The following AGAP1 variants were observed in gnomAD, a reference collection of about 807,000 sequenced individuals.
AGAP1 encodes the protein arf-GAP with GTPase, ANK repeat and PH domain-containing protein 1.
AGAP1 carries 29 observed loss-of-function variants against 105.3 expected under a neutral mutation model. The ratio of observed to expected loss-of-function variants is 0.28; its 90% CI spans 0.21 to 0.38. The LOEUF (loss-of-function observed/expected upper bound fraction) is 0.38. AGAP1 is among the 10% of genes least tolerant of loss of function. The pLI, the probability that AGAP1 is intolerant of heterozygous loss-of-function variation, is 1.00. For missense variants in AGAP1, 998 were observed against 1,165.1 expected, an observed-to-expected ratio of 0.86 and a Z score of 2.09; for synonymous variants, 509 against 485.9, an observed-to-expected ratio of 1.05 and a Z score of -0.63.
intron 1 of AGAP1, among the ~76,000 whole-genome samples, chr2:235,697,108 G>T (rs113766375): frequency 4.6e-5 from 7 of 152,338 alleles, no homozygotes; most frequent in African/African-American, 1.4e-4. Flanking sequence ...AGCTGGGACA[G>T]CCCCAGGCAC....
chr2:235,758,941 T>A (rs1414647887), intron 6 of AGAP1, among the ~76,000 whole-genome samples: 1 of 151,848 alleles, frequency 6.6e-6, no homozygotes, highest in Non-Finnish European at 1.5e-5. Context: ...TACAGGTGCG[T>A]GCCAGCACAC....
intron 1 of AGAP1, chr2:235,670,948 C>T: frequency 6.8e-6 from 9 of 1,318,656 alleles, no homozygotes; most frequent in Admixed American, 4.0e-5. Flanking sequence ...GCGGCGGGCC[C>T]TCGCCACGGA....
Position 235,741,761 on chromosome 2 carries a change from ATT to A in AGAP1, c.396+724_396+725del, listed in dbSNP as rs373237927. On this transcript the variant is annotated intron_variant, in intron 4 of 17. Transcript: ENST00000304032. This position sits in a 1 kb window ranked among gnomAD's most constrained non-coding sequence, Gnocchi z 4.9. ...TATTGTTATTTTTTATTATTTATTT[ATT>A]TTTTTTTTTTGAGACAGTCTCGCTC... 8.2e-3 allele frequency among the ~76,000 whole-genome samples: 1,160 copies of A among 141,852 alleles called. 21 individuals carry two copies. The highest frequency in any genetic ancestry group is 0.028 in the African/African-American group (1,104 of 39,060). The allele number at this position is 141,852 out of a possible 152,430, so 93.1% of individuals were successfully genotyped here. A position where few individuals can be genotyped will look rare whatever the true frequency, so the allele number is the denominator to read the frequency against.
chr2:236,029,287 T>A (rs1318024494), intron 13 of AGAP1, among the ~76,000 whole-genome samples: 1 of 152,058 alleles, frequency 6.6e-6, no homozygotes, highest in Non-Finnish European at 1.5e-5. Flanking sequence ...TTTTTCTTTT[T>A]TTTTTTGAGA....
intron 9 of AGAP1, among the ~76,000 whole-genome samples, chr2:235,869,191 C>G (rs945992858): frequency 6.6e-6 from 1 of 152,082 alleles, no homozygotes; most frequent in East Asian, 1.9e-4. Flanking sequence ...CAAGTATAAA[C>G]CCTTGGTTTG....
chr2:235,790,949 C>T (rs1462142002), intron 6 of AGAP1, among the ~76,000 whole-genome samples: 1 of 152,196 alleles, frequency 6.6e-6, no homozygotes, highest in African/African-American at 2.4e-5. Context: ...CCATGGGTCC[C>T]ATGGTTCACT....
At chr2:235,938,813 C>A (rs185182609) in intron 12 of AGAP1, among the ~76,000 whole-genome samples, 1 of 152,078 alleles carries the variant, frequency 6.6e-6, no homozygotes, top group Non-Finnish European at 1.5e-5. Flanking sequence ...CAACACCTAG[C>A]GTGGCTGAAA....
At position 235,867,572 on chromosome 2, in the gene AGAP1, T is replaced by TGTGTGTGTGTGTGTGTGTGC. The variant is rs375110513; in HGVS notation, c.1051-15770_1051-15769insTGTGTGTGTGTGTGTGCGTG. 1.5e-3 allele frequency among the ~76,000 whole-genome samples: 227 copies of TGTGTGTGTGTGTGTGTGTGC among 148,464 alleles called. 4 individuals are homozygous for TGTGTGTGTGTGTGTGTGTGC. The highest frequency in any genetic ancestry group is 6.8e-3 in the Middle Eastern group (2 of 292). ...GTGTGTGTGTGTGTGTGTGTGTGTG[T>TGTGTGTGTGTGTGTGTGTGC]GTGCAAGTGAGGGAGGGTGACCCCC... is the stretch of plus-strand genomic sequence containing the variant. On this transcript the variant is annotated intron_variant, in intron 9 of 17. Transcript: ENST00000304032. The surrounding 1 kb of genome is among the most constrained non-coding windows in gnomAD (Gnocchi z 5.4).
chr2:236,016,221 A>C (rs1192401019), intron 13 of AGAP1, among the ~76,000 whole-genome samples: 3 of 152,180 alleles, frequency 2.0e-5, no homozygotes, highest in Non-Finnish European at 4.4e-5. Flanking sequence ...ACCAAATGAA[A>C]GAGGGAAAAG....
chr2:235,794,589 A>G (rs1957155222), intron 6 of AGAP1, among the ~76,000 whole-genome samples: 1 of 152,174 alleles, frequency 6.6e-6, no homozygotes, highest in Non-Finnish European at 1.5e-5. Flanking sequence ...CTCGTGCCTC[A>G]GCCTCCCAAG....
chr2:236,102,112 T>A (rs2059361836), intron 16 of AGAP1, among the ~76,000 whole-genome samples: 1 of 151,858 alleles, frequency 6.6e-6, no homozygotes, highest in African/African-American at 2.4e-5. Context: ...TGAAACCCCG[T>A]CTCTACTAAA....
At chr2:235,786,662 A>C (rs1005646293) in intron 6 of AGAP1, among the ~76,000 whole-genome samples, 1 of 152,228 alleles carries the variant, frequency 6.6e-6, no homozygotes, top group African/African-American at 2.4e-5. Context: ...AGTTGTAATA[A>C]GTCCATTTTT....
chr2:235,846,702 TCA>T (rs932479159), intron 9 of AGAP1, among the ~76,000 whole-genome samples: 3 of 152,278 alleles, frequency 2.0e-5, no homozygotes, highest in African/African-American at 7.2e-5. Context: ...AGTGGCATAA[TCA>T]CAGCTCACTG....
chr2:235,676,546 C>T (rs1201063162), intron 1 of AGAP1, among the ~76,000 whole-genome samples: 4 of 152,152 alleles, frequency 2.6e-5, no homozygotes, highest in Admixed American at 2.6e-4. Context: ...AGAGTGACTC[C>T]ACCAGCAAGG....
At chr2:236,085,558 C>T (rs1464167253) in intron 16 of AGAP1, among the ~76,000 whole-genome samples, 1 of 152,252 alleles carries the variant, frequency 6.6e-6, no homozygotes, top group Non-Finnish European at 1.5e-5. Flanking sequence ...GTAGGACCAG[C>T]CCATGGATCC....
At chr2:235,822,910 A>G (rs1364815613) in intron 9 of AGAP1, among the ~76,000 whole-genome samples, 1 of 152,124 alleles carries the variant, frequency 6.6e-6, no homozygotes, top group Non-Finnish European at 1.5e-5. Context: ...ATGGCTATTG[A>G]TTTCCCTTCA....
At position 235,788,943 on chromosome 2, in the gene AGAP1, T is replaced by C. The variant is rs1956810791; in HGVS notation, c.674-8816T>C. On this transcript the variant is annotated intron_variant, in intron 6 of 17. Transcript: ENST00000304032. The surrounding 1 kb of genome is among the most constrained non-coding windows in gnomAD (Gnocchi z 6.0). The stretch of plus-strand genomic sequence containing the variant: ...GCCTGGAGCCTGGCAGTTGGTCAGC[T>C]CCCTGGCCCCTGCTGCCCTCTAGCC... Among the ~76,000 whole-genome samples the C allele has an allele frequency of 6.6e-6, 1 of 152,158 alleles. No individual in the cohort carries two copies. Among genetic ancestry groups the C allele is most frequent in the Non-Finnish European group, 1.5e-5 (1 of 68,014 alleles).
chr2:235,688,847 C>T (rs1259247693), intron 1 of AGAP1, among the ~76,000 whole-genome samples: 1 of 152,170 alleles, frequency 6.6e-6, no homozygotes, highest in Non-Finnish European at 1.5e-5. Context: ...CATTCACCCG[C>T]TAGTGCTGTT....
At chr2:236,034,808 C>T (rs936976256) in intron 13 of AGAP1, among the ~76,000 whole-genome samples, 1 of 152,242 alleles carries the variant, frequency 6.6e-6, no homozygotes, top group East Asian at 1.9e-4. Context: ...ATGCCCAGGG[C>T]ACAGTGGCTG....
Sources: allele counts gnomAD v4.1 joint callset (sites outside exome capture counted in the v4.1 genomes callset), GRCh38; gene constraint gnomAD v4.1.1; non-coding constraint Gnocchi (gnomAD v3.1); transcripts MANE v1.5; gene names NCBI Gene and HGNC (gene_info 2026-07-23, HGNC 2026-07-21).